The following ADARB2 variants were observed in gnomAD, a reference collection of about 807,000 sequenced individuals.
ADARB2 encodes inactive double-stranded RNA-specific editase B2.
A neutral mutation model predicts 62.2 loss-of-function variants in ADARB2; 25 were observed. The ratio of observed to expected loss-of-function variants is 0.40; its 90% confidence interval spans 0.29 to 0.56. The LOEUF (loss-of-function observed/expected upper bound fraction) is 0.56, where lower values mean the gene tolerates loss of function less well. Ranked by LOEUF, ADARB2 falls within the 20% of genes least tolerant of loss-of-function variation. The pLI is 0.43. For synonymous variants in ADARB2, 572 were observed against 500.8 expected, an observed-to-expected ratio of 1.14 and a Z score of -1.90; for missense variants, 1,071 against 1,077.4, an observed-to-expected ratio of 0.99 and a Z score of 0.08.
chr10:1,363,450 A>C lies in ADARB2; in HGVS notation c.655T>G (p.Phe219Val). ...GTDFTSDQAD[F>V]PDTLFQEFEP... The stretch of plus-strand genomic sequence containing the variant: ...AACTCCTGGAAGAGCGTGTCGGGGA[A>C]ATCGGCCTGGTCGGAGGTGAAGTCC... The change falls in exon 3 of 10, where the codon TTC becomes GTC. Residue 219 changes from phenylalanine (F) to valine (V), a missense_variant. Transcript: ENST00000381312. The C allele has an allele frequency of 7.0e-7, 1 of 1,423,858 alleles. No homozygotes were observed. Among genetic ancestry groups the C allele is most frequent in the East Asian group, 2.9e-5 (1 of 34,708 alleles). 88.2% of individuals were successfully genotyped at this position (1,423,858 alleles called of 1,614,324 possible).
chr10:1,451,546 AGAGGGGACACACCTGTATGAG>A (rs1831038251), intron 1 of ADARB2, among the ~76,000 whole-genome samples: 3 of 147,798 alleles, frequency 2.0e-5, no homozygotes, highest in East Asian at 2.0e-4. Context: ...ACCTGTTTGA[AGAGGGGACACACCTGTATGAG>A]GAGGGGACAC....
rs1564221194 is a variant in ADARB2, at chr10:1,209,411, A to ACCCAT, written c.1682+7539_1682+7540insATGGG. On this transcript the variant is annotated intron_variant, in intron 7 of 9. Coordinates refer to ENST00000381312, the MANE Select transcript of ADARB2 (RefSeq NM_018702.4). Reference sequence around the variant, plus strand: ...CACCCACACCCACACTATCACCTACAGCAACACCGTCACCCATGCCCACAC... The same window carrying ACCCAT: ...CACCCACACCCACACTATCACCTACACCCATGCAACACCGTCACCCATGCCCACAC... Among the ~76,000 whole-genome samples the ACCCAT allele has an allele frequency of 4.8e-3, 473 of 98,066 alleles. 57 individuals carry two copies. Among genetic ancestry groups the ACCCAT allele is most frequent in the African/African-American group, 0.019 (443 of 22,884 alleles). 64.3% of individuals were successfully genotyped at this position (98,066 alleles called of 152,430 possible). A position where few individuals can be genotyped will look rare whatever the true frequency, so the allele number is the denominator to read the frequency against.
intron 3 of ADARB2, among the ~76,000 whole-genome samples, chr10:1,271,927 G>A (rs967767667): frequency 5.9e-5 from 9 of 152,214 alleles, no homozygotes; most frequent in African/African-American, 2.2e-4. Flanking sequence ...TGGGTGAGTC[G>A]TTAACTCCTC....
At chr10:1,588,418 T>C (rs546231253) in intron 1 of ADARB2, among the ~76,000 whole-genome samples, 1 of 152,234 alleles carries the variant, frequency 6.6e-6, no homozygotes, top group Admixed American at 6.5e-5. Flanking sequence ...ATAAGGAACT[T>C]GATAGGCCAA....
chr10:1,527,941 T>C (rs1832170202), intron 1 of ADARB2, among the ~76,000 whole-genome samples: 1 of 152,200 alleles, frequency 6.6e-6, no homozygotes, highest in Non-Finnish European at 1.5e-5. Context: ...TAAGCAAGAA[T>C]GCCATTGAAC....
chr10:1,264,260 A>G (rs1438742782), intron 4 of ADARB2, among the ~76,000 whole-genome samples: 3 of 152,136 alleles, frequency 2.0e-5, no homozygotes, highest in African/African-American at 4.8e-5. Context: ...TATCTTCCTC[A>G]TGCCCGACTG....
Position 1,211,954 on chromosome 10 carries a change from G to A in ADARB2, c.1682+4997C>T, listed in dbSNP as rs147397008. Among the ~76,000 whole-genome samples the A allele has an allele frequency of 2.4e-3, 371 of 152,282 alleles. 1 individual carries two copies. The highest frequency in any genetic ancestry group is 8.5e-3 in the African/African-American group (354 of 41,540). The stretch of plus-strand genomic sequence containing the variant: ...TGACAACCACCTTTCAAAACTGCCT[G>A]CACATCTCACCATGGCCCTCAGGAT... On this transcript the variant is annotated intron_variant, in intron 7 of 9. Transcript: ENST00000381312.
intron 3 of ADARB2, among the ~76,000 whole-genome samples, chr10:1,357,914 G>A (rs1013246907): frequency 6.6e-5 from 10 of 152,326 alleles, no homozygotes; most frequent in South Asian, 2.1e-4. Context: ...TCTCTGAAAC[G>A]CTCACACAGG....
intron 1 of ADARB2, among the ~76,000 whole-genome samples, chr10:1,634,830 C>A (rs141392059): frequency 6.9e-4 from 105 of 152,264 alleles, no homozygotes; most frequent in African/African-American, 2.5e-3. Context: ...ATTAATAGTC[C>A]ATTTTTAACA....
intron 3 of ADARB2, among the ~76,000 whole-genome samples, chr10:1,357,039 G>A (rs1832202712): frequency 6.6e-6 from 1 of 152,186 alleles, no homozygotes; most frequent in South Asian, 2.1e-4. Flanking sequence ...CAAGCCCTTT[G>A]TAATTTTACA....
intron 1 of ADARB2, among the ~76,000 whole-genome samples, chr10:1,402,649 C>T (rs2131873053): frequency 6.6e-6 from 1 of 152,272 alleles, no homozygotes; most frequent in Non-Finnish European, 1.5e-5. Flanking sequence ...CTGCCTTCCT[C>T]GCCATCAGCT....
At chr10:1,452,588 G>A (rs1831052553) in intron 1 of ADARB2, among the ~76,000 whole-genome samples, 1 of 121,714 alleles carries the variant, frequency 8.2e-6, no homozygotes, top group African/African-American at 3.2e-5. Context: ...AGTGGGAGCT[G>A]AACAATGAGA....
Position 1,200,041 on chromosome 10 carries a change from G to A in ADARB2, c.1789C>T (p.Arg597Cys), listed in dbSNP as rs1323817220. ...GSLHHTGHLA[R>C]VMSHRMEGVG... ...CCCTCCATGCGGTGGCTCATGACGC[G>A]TGCGAGGTGGCCCGTGTGGTGCAGG... Residue 597 changes from arginine to cysteine, a missense_variant, in exon 8 of 10, where the codon CGC becomes TGC. Transcript: ENST00000381312. 4 of 1,596,132 alleles carry A rather than the reference G, an allele frequency of 2.5e-6. No individual in the cohort carries two copies. The highest frequency in any genetic ancestry group is 2.7e-5 in the African/African-American group (2 of 74,798).
intron 1 of ADARB2, among the ~76,000 whole-genome samples, chr10:1,651,122 G>A (rs1459642117): frequency 3.3e-5 from 5 of 152,242 alleles, no homozygotes; most frequent in Non-Finnish European, 7.3e-5. Flanking sequence ...GCCAGTCACT[G>A]GCCACAGAAT....
intron 1 of ADARB2, among the ~76,000 whole-genome samples, chr10:1,692,571 A>G (rs1453648261): frequency 6.6e-6 from 1 of 152,188 alleles, no homozygotes; most frequent in Non-Finnish European, 1.5e-5. Context: ...TTCCTCATTC[A>G]GTAGTGACAG....
intron 3 of ADARB2, among the ~76,000 whole-genome samples, chr10:1,288,315 G>A (rs578144137): frequency 6.6e-6 from 1 of 152,350 alleles, no homozygotes; most frequent in African/African-American, 2.4e-5. Flanking sequence ...CCTAGAATAC[G>A]AAACAGGAAA....
At chr10:1,204,696 G>T (rs922602823) in intron 7 of ADARB2, among the ~76,000 whole-genome samples, 7 of 152,230 alleles carry the variant, frequency 4.6e-5, no homozygotes, top group African/African-American at 1.7e-4. Flanking sequence ...TCCCCTCCAA[G>T]GTCCCCTCCT....
At chr10:1,460,389 A>G (rs200438948) in intron 1 of ADARB2, among the ~76,000 whole-genome samples, 18 of 86,848 alleles carry the variant, frequency 2.1e-4, no homozygotes, top group East Asian at 1.3e-3. Flanking sequence ...CCTGTGTAAC[A>G]AACCTGCCTG....
At chr10:1,559,956 C>T (rs3985751) in intron 1 of ADARB2, among the ~76,000 whole-genome samples, 42,943 of 152,024 alleles carry the variant, frequency 0.28, 7,371 homozygotes, top group East Asian at 0.6. Context: ...CCCTGGGCTC[C>T]GCATCAGATC....
Sources: allele counts gnomAD v4.1 joint callset (sites outside exome capture counted in the v4.1 genomes callset), GRCh38; gene constraint gnomAD v4.1.1; transcripts MANE v1.5; gene names NCBI Gene and HGNC (gene_info 2026-07-23, HGNC 2026-07-21).